AMER3: variants seen among roughly 807,000 people sequenced by gnomAD.
The protein encoded by AMER3 is APC membrane recruitment protein 3.
For missense variants in AMER3, 1,201 were observed against 1,139.4 expected (o/e 1.05, Z -0.78); for synonymous variants, 541 against 485.5 (o/e 1.11, Z -1.50).
Position 130,764,675 on chromosome 2 carries a change from C to T in AMER3, c.*17C>T. 2 of 1,577,182 alleles carry T rather than the reference C, an allele frequency of 1.3e-6. No homozygotes were observed. The highest frequency in any genetic ancestry group is 1.7e-6 in the Non-Finnish European group (2 of 1,164,766). ...CATCTGTAGGACAGGCTCACATGCA[C>T]CAGGAACTGCATGTGTCTTCATGAC... On this transcript the variant is annotated 3_prime_UTR_variant, in exon 2 of 2. Transcript: ENST00000321420.
In AMER3 at chr2:130,763,897, T is replaced by C. The variant is rs909780606; in HGVS notation, c.1825T>C (p.Ser609Pro). Residue 609 changes from serine to proline, a missense_variant, in exon 2 of 2, where the codon TCT (serine) becomes CCT (proline). Coordinates refer to ENST00000321420, the MANE Select transcript of AMER3 (RefSeq NM_152698.3). ...ASREEETRGH[S>P]EGLFSSMESA... ...TCGAGAGGAAGAGACACGAGGTCAC[T>C]CTGAAGGCTTGTTCTCCTCTATGGA... is the stretch of plus-strand genomic sequence containing the variant. 6.2e-7 allele frequency: 1 copy of C among 1,613,446 alleles called. No individual in the cohort carries two copies. Among genetic ancestry groups the C allele is most frequent in the African/African-American group, 1.3e-5 (1 of 74,940 alleles).
In AMER3 at chr2:130,764,413, G is replaced by T; in HGVS notation, c.2341G>T (p.Ala781Ser). Residue 781 changes from alanine (A) to serine (S), a missense_variant, in exon 2 of 2, where the codon GCT becomes TCT. Physicochemically the swap from Ala to Ser is moderately conservative, Grantham distance 99. Coordinates refer to ENST00000321420, the MANE Select transcript of AMER3 (RefSeq NM_152698.3). ...EDQPLQLSTE[A>S]VEQVAHGSQL... ...CCAGCCCTTGCAGCTCAGCACAGAG[G>T]CTGTGGAGCAGGTGGCACACGGCAG... 1 of 1,611,400 alleles carries T rather than the reference G, an allele frequency of 6.2e-7. No homozygotes were observed. The highest frequency in any genetic ancestry group is 8.5e-7 in the Non-Finnish European group (1 of 1,179,240).
At position 130,763,190 on chromosome 2, in the gene AMER3, A is replaced by T; in HGVS notation, c.1118A>T (p.Lys373Met). Residue 373 changes from lysine (K) to methionine (M), a missense_variant, in exon 2 of 2, where the codon AAG (lysine) becomes ATG (methionine). Physicochemically the swap from Lys to Met is moderately conservative, Grantham distance 95 (BLOSUM62 -1). Transcript: ENST00000321420. Reference protein sequence around the residue: ...KASSIDTGTPKSEQPESVSTS... With the variant: ...KASSIDTGTPMSEQPESVSTS... Reference sequence around the variant, plus strand: ...AGCTCCATCGACACAGGCACCCCCAAGAGCGAGCAGCCCGAATCCGTGTCC... The same window carrying T: ...AGCTCCATCGACACAGGCACCCCCATGAGCGAGCAGCCCGAATCCGTGTCC... The T allele has an allele frequency of 2.5e-6, 4 of 1,613,772 alleles. No individual in the cohort carries two copies. The highest frequency in any genetic ancestry group is 3.4e-6 in the Non-Finnish European group (4 of 1,180,006).
Position 130,764,454 on chromosome 2 carries a change from GC to G in AMER3, c.2386del (p.Arg796AlafsTer22), listed in dbSNP as rs1183548373. On this transcript the variant is annotated frameshift_variant, in exon 2 of 2. Transcript: ENST00000321420. LOFTEE classifies it low-confidence loss of function (END_TRUNC). ...VAHGSQLDSE[P>X]RSAPAARWSS... ...CACACGGCAGCCAGCTGGACTCTGA[GC>G]CCCGCTCAGCCCCTGCTGCCCGGTG... The G allele has an allele frequency of 6.3e-7, 1 of 1,599,732 alleles. No individual in the cohort carries two copies. Among genetic ancestry groups the G allele is most frequent in the Non-Finnish European group, 8.5e-7 (1 of 1,173,800 alleles).
chr2:130,763,623 G>T lies in AMER3; in HGVS notation c.1551G>T (p.Thr517=). Residue 517 remains threonine, a synonymous_variant, in exon 2 of 2, where the codon ACG becomes ACT. Coordinates refer to ENST00000321420, the MANE Select transcript of AMER3 (RefSeq NM_152698.3). ...TCAGCTGGCTGCGCCGAGGCCCCAC[G>T]CCCCGTGCCCCACCCACCCCTGGGC... The part of the protein sequence containing the change: ...GIVSWLRRGP[T]PRAPPTPGQP... 1 of 1,555,280 alleles carries T rather than the reference G, an allele frequency of 6.4e-7. No individual in the cohort carries two copies. Among genetic ancestry groups the T allele is most frequent in the Non-Finnish European group, 8.7e-7 (1 of 1,152,122 alleles).
chr2:130,762,305 C>A lies in AMER3; in HGVS notation c.233C>A (p.Pro78His), dbSNP rs1439898339. The A allele has an allele frequency of 6.2e-7, 1 of 1,602,704 alleles. No individual in the cohort carries two copies. Among genetic ancestry groups the A allele is most frequent in the African/African-American group, 1.3e-5 (1 of 74,926 alleles). ...GCGCAGCTGGACCCCAAAGGGGGAC[C>A]CGCAGCCCTCTGTGGAGCCACCTTC... Reference protein sequence around the residue: ...KGAQLDPKGGPAALCGATFKP... With the variant: ...KGAQLDPKGGHAALCGATFKP... Residue 78 changes from proline to histidine, a missense_variant, in exon 2 of 2, where the codon CCC becomes CAC. Transcript: ENST00000321420.
chr2:130,758,758 G>A (rs1296703208), intron 1 of AMER3, among the ~76,000 whole-genome samples: 3 of 152,352 alleles, frequency 2.0e-5, no homozygotes, highest in Non-Finnish European at 4.4e-5. Flanking sequence ...CTCCTTGGGG[G>A]AGGGATGTGG....
Position 130,763,201 on chromosome 2 carries a change from C to T in AMER3, c.1129C>T (p.Pro377Ser). Residue 377 changes from proline to serine, a missense_variant, in exon 2 of 2, where the codon CCC (proline) becomes TCC (serine). Coordinates refer to ENST00000321420, the MANE Select transcript of AMER3 (RefSeq NM_152698.3). ...IDTGTPKSEQ[P>S]ESVSTSDEGY... ...CACAGGCACCCCCAAGAGCGAGCAG[C>T]CCGAATCCGTGTCCACAAGTGACGA... 1 of 1,613,806 alleles carries T rather than the reference C, an allele frequency of 6.2e-7. No homozygotes were observed. Among genetic ancestry groups the T allele is most frequent in the South Asian group, 1.1e-5 (1 of 91,072 alleles).
rs200636300 is a variant in AMER3, at chr2:130,762,281, C to G, written c.209C>G (p.Ala70Gly). The G allele has an allele frequency of 2.5e-6, 4 of 1,584,230 alleles. No individual in the cohort carries two copies. Among genetic ancestry groups the G allele is most frequent in the African/African-American group, 1.3e-5 (1 of 74,256 alleles). ...QEYDRCPNKG[A>G]QLDPKGGPAA... ...TACGACAGATGCCCCAACAAAGGGG[C>G]GCAGCTGGACCCCAAAGGGGGACCC... The change falls in exon 2 of 2, where the codon GCG (alanine) becomes GGG (glycine). Residue 70 changes from alanine to glycine, a missense_variant. Transcript: ENST00000321420.
At chr2:130,761,978 G>C in intron 1 of AMER3, 76 bp from the exon 2 acceptor site, 1 of 1,352,160 alleles carries the variant, frequency 7.4e-7, no homozygotes, top group Non-Finnish European at 1.0e-6. Flanking sequence ...AGCTGTGTGA[G>C]AGGGGTAGGC....
Position 130,761,008 on chromosome 2 carries a change from G to A in AMER3, c.-19-1046G>A, listed in dbSNP as rs536943627. 4.5e-4 allele frequency among the ~76,000 whole-genome samples: 69 copies of A among 152,156 alleles called. 1 individual carries two copies. Among genetic ancestry groups the A allele is most frequent in the African/African-American group, 1.6e-3 (65 of 41,530 alleles). ...AAGACCCTACATTACCCCTGCAGCC[G>A]CCATCTGCCTTGCTCCCCATCCTCA... On this transcript the variant is annotated intron_variant, in intron 1 of 1. Coordinates refer to ENST00000321420, the MANE Select transcript of AMER3 (RefSeq NM_152698.3).
At chr2:130,756,261 C>A (rs972619679) in intron 1 of AMER3, 1 of 148,168 alleles carries the variant, frequency 6.7e-6, no homozygotes, top group Admixed American at 6.7e-5. Context: ...CGCCGGGCCT[C>A]CCCCTCCCGG....
chr2:130,759,509 G>A (rs1016848285), intron 1 of AMER3, among the ~76,000 whole-genome samples: 1 of 152,090 alleles, frequency 6.6e-6, no homozygotes, highest in African/African-American at 2.4e-5. Context: ...CCAAAACATA[G>A]AAAAGAATAA....
Position 130,763,714 on chromosome 2 carries a change from G to C in AMER3, c.1642G>C (p.Glu548Gln). The change falls in exon 2 of 2, where the codon GAG (glutamate) becomes CAG (glutamine). Residue 548 changes from glutamate (E) to glutamine (Q), a missense_variant. Glu to Gln is a conservative substitution (Grantham distance 29). Coordinates refer to ENST00000321420, the MANE Select transcript of AMER3 (RefSeq NM_152698.3). Reference protein sequence around the residue: ...RAPTEKLGGREGLASDAGGAT... With the variant: ...RAPTEKLGGRQGLASDAGGAT... ...ACCCACAGAGAAGCTGGGGGGCAGG[G>C]AGGGCCTGGCCTCAGATGCAGGGGG... 3.2e-6 allele frequency: 5 copies of C among 1,564,288 alleles called. No homozygotes were observed. The South Asian group carries it at 5.9e-5, about 19-fold the overall frequency.
rs777524637 is a variant in AMER3, at chr2:130,762,980, C to T, written c.908C>T (p.Ala303Val). ...EQLASPAQNE[A>V]SDFTRFWDSV... Reference sequence around the variant, plus strand: ...CTGGCCTCGCCCGCCCAGAATGAAGCCTCTGACTTCACCAGGTTCTGGGAC... The same window carrying T: ...CTGGCCTCGCCCGCCCAGAATGAAGTCTCTGACTTCACCAGGTTCTGGGAC... The change falls in exon 2 of 2, where the codon GCC (alanine) becomes GTC (valine). Residue 303 changes from alanine (A) to valine (V), a missense_variant. Ala to Val is a moderately conservative substitution (Grantham distance 64, BLOSUM62 0). Transcript: ENST00000321420. The T allele has an allele frequency of 2.6e-5, 42 of 1,613,190 alleles. No homozygotes were observed. Among genetic ancestry groups the T allele is most frequent in the Non-Finnish European group, 1.1e-5 (13 of 1,180,004 alleles).
chr2:130,757,731 T>G (rs946281501), intron 1 of AMER3, among the ~76,000 whole-genome samples: 1 of 152,226 alleles, frequency 6.6e-6, no homozygotes, highest in South Asian at 2.1e-4. Context: ...TGTAACAGAA[T>G]TAATTAAGTA....
At position 130,764,729 on chromosome 2, in the gene AMER3, C is replaced by A; in HGVS notation, c.*71C>A. 2 of 1,442,696 alleles carry A rather than the reference C, an allele frequency of 1.4e-6. No individual in the cohort carries two copies. Among genetic ancestry groups the A allele is most frequent in the Non-Finnish European group, 9.2e-7 (1 of 1,084,484 alleles). 89.4% of individuals were successfully genotyped at this position (1,442,696 alleles called of 1,614,324 possible). On this transcript the variant is annotated 3_prime_UTR_variant, in exon 2 of 2. Transcript: ENST00000321420. ...TTTCAGGAGAGCCTAGGACTCAAAT[C>A]TCTATCTTTTGTCCCTGATGTGGGG... is the stretch of plus-strand genomic sequence containing the variant.
At position 130,765,451 on chromosome 2, in the gene AMER3, T is replaced by C. The variant is rs1266271869; in HGVS notation, c.*793T>C. The C allele has an allele frequency of 1.2e-5, 2 of 167,026 alleles. No homozygotes were observed. Among genetic ancestry groups the C allele is most frequent in the Non-Finnish European group, 2.9e-5 (2 of 68,132 alleles). The allele number at this position is 167,026 out of a possible 1,614,324, so 10.3% of individuals were successfully genotyped here. ...TAAGTCTTTTGACGAAGTCAATCTA[T>C]GATGCGTCACCACCACACACACAGT... On this transcript the variant is annotated 3_prime_UTR_variant, in exon 2 of 2. Transcript: ENST00000321420.
rs1024054799 is a variant in AMER3, at chr2:130,765,017, G to A, written c.*359G>A. 2.4e-5 allele frequency: 5 copies of A among 211,074 alleles called. No individual in the cohort carries two copies. Among genetic ancestry groups the A allele is most frequent in the Non-Finnish European group, 5.2e-5 (5 of 96,558 alleles). 13.1% of individuals were successfully genotyped at this position (211,074 alleles called of 1,614,324 possible). A position where few individuals can be genotyped will look rare whatever the true frequency, so the allele number is the denominator to read the frequency against. On this transcript the variant is annotated 3_prime_UTR_variant, in exon 2 of 2. Transcript: ENST00000321420. ...GGGATGTGTGTGAATCCCAAAAGAC[G>A]CAATCCCAAATGCCATAGTCCCAAG...
Sources: gnomAD v4.1 joint callset for allele counts (sites outside exome capture counted in the v4.1 genomes callset) on GRCh38, gnomAD v4.1.1 for gene constraint, MANE v1.5 for transcripts, NCBI Gene and HGNC (gene_info 2026-07-23, HGNC 2026-07-21) for gene names.